NRDC: variants seen among roughly 807,000 people sequenced by gnomAD.
NRDC encodes the protein nardilysin.
In NRDC, 54 loss-of-function variants were observed where a neutral mutation model predicts 147.1. The ratio of observed to expected loss-of-function variants is 0.37; its 90% confidence interval spans 0.29 to 0.46. The LOEUF is 0.46. NRDC is among the 20% of genes least tolerant of loss of function. NRDC has a pLI of 1.00. For synonymous variants in NRDC, 440 were observed against 482.1 expected, an observed-to-expected ratio of 0.91 and a Z score of 1.14; for missense variants, 1,082 against 1,370.6, an observed-to-expected ratio of 0.79 and a Z score of 3.33.
At chr1:51,856,273 G>A (rs183115465) in intron 1 of NRDC, among the ~76,000 whole-genome samples, 184 of 152,154 alleles carry the variant, frequency 1.2e-3, no homozygotes, top group Non-Finnish European at 2.3e-3. Flanking sequence ...GACCAAATCC[G>A]TGCAATTAAT....
intron 7 of NRDC, among the ~76,000 whole-genome samples, chr1:51,822,247 C>A (rs531780821): frequency 2.6e-4 from 39 of 152,034 alleles, no homozygotes; most frequent in Non-Finnish European, 4.3e-4. Flanking sequence ...CAATAGAGAA[C>A]CCCATTATAT....
chr1:51,866,973 A>T (rs1682841166), intron 1 of NRDC, among the ~76,000 whole-genome samples: 2 of 152,108 alleles, frequency 1.3e-5, no homozygotes, highest in Non-Finnish European at 2.9e-5. Flanking sequence ...TTATATATAC[A>T]TATATGCCAT....
At chr1:51,818,329 TCA>T (rs1680062401) in intron 9 of NRDC, among the ~76,000 whole-genome samples, 194 bp from the exon 10 acceptor site, 1 of 152,216 alleles carries the variant, frequency 6.6e-6, no homozygotes, top group Non-Finnish European at 1.5e-5. Context: ...TTATTTGGTT[TCA>T]GAGGTAGAGA....
intron 18 of NRDC, among the ~76,000 whole-genome samples, chr1:51,806,384 T>A (rs1277222586): frequency 2.0e-5 from 3 of 151,902 alleles, no homozygotes; most frequent in African/African-American, 7.3e-5. Context: ...CTGGCTCTGC[T>A]TTCATTTAAC....
intron 22 of NRDC, chr1:51,795,089 A>G: frequency 1.4e-6 from 2 of 1,456,954 alleles, no homozygotes; most frequent in Non-Finnish European, 1.8e-6. Context: ...CTGTTTACCC[A>G]TAATACAGTT....
intron 2 of NRDC, among the ~76,000 whole-genome samples, chr1:51,836,944 CTTTTT>C (rs201636652): frequency 7.8e-6 from 1 of 128,200 alleles, no homozygotes; most frequent in Non-Finnish European, 1.6e-5. Flanking sequence ...ATGATTGGGA[CTTTTT>C]TTTTTTTTTT....
At chr1:51,865,844 G>A (rs1571921421) in intron 1 of NRDC, among the ~76,000 whole-genome samples, 1 of 150,746 alleles carries the variant, frequency 6.6e-6, no homozygotes, top group East Asian at 2.0e-4. Flanking sequence ...GAGGTCAGGA[G>A]AACGAGACCA....
chr1:51,847,682 C>T (rs1478402545), intron 1 of NRDC, among the ~76,000 whole-genome samples: 4 of 152,226 alleles, frequency 2.6e-5, no homozygotes, highest in Non-Finnish European at 4.4e-5. Flanking sequence ...GCCAAGCCCA[C>T]GCCCACCTGG....
chr1:51,834,099 T>C lies in NRDC; in HGVS notation c.784A>G (p.Ser262Gly), dbSNP rs766472945. The C allele has an allele frequency of 6.2e-7, 1 of 1,614,106 alleles. No homozygotes were observed. Among genetic ancestry groups the C allele is most frequent in the South Asian group, 1.1e-5 (1 of 91,080 alleles). Reference sequence around the variant, plus strand: ...TCACAATCAGTTGAGGCATTATCACTACCCCCATGCTTCTTCAGGAAGGCA... The same window carrying C: ...TCACAATCAGTTGAGGCATTATCACCACCCCCATGCTTCTTCAGGAAGGCA... Reference protein sequence around the residue: ...FDAFLKKHGGSDNASTDCERT... With the variant: ...FDAFLKKHGGGDNASTDCERT... Residue 262 changes from serine (S) to glycine (G), a missense_variant, in exon 4 of 31, where the codon AGT becomes GGT. By Grantham distance (56) the Ser-to-Gly change is moderately conservative. This residue lies in a region of NRDC where 635 missense variants were observed against 923.8 expected (regional missense o/e 0.69). Coordinates refer to ENST00000352171, the MANE Select transcript of NRDC (RefSeq NM_001101662.2).
intron 25 of NRDC, 40 bp downstream of exon 25, chr1:51,792,337 G>C (rs766608745): frequency 1.0e-5 from 16 of 1,607,076 alleles, no homozygotes; most frequent in Admixed American, 3.3e-5. Flanking sequence ...TAGTGGGTCA[G>C]GGGCTGCTGA....
At chr1:51,864,451 T>C (rs865822773) in intron 1 of NRDC, among the ~76,000 whole-genome samples, 1 of 152,202 alleles carries the variant, frequency 6.6e-6, no homozygotes, top group Non-Finnish European at 1.5e-5. Context: ...CATAAAAATT[T>C]TCACCAAAAA....
intron 2 of NRDC, chr1:51,836,584 A>G (rs1225985579): frequency 6.1e-6 from 4 of 654,074 alleles, no homozygotes; most frequent in Non-Finnish European, 5.4e-6. Flanking sequence ...CGGAAGTAAC[A>G]TATCTAGATA....
intron 29 of NRDC, 131 bp downstream of exon 29, chr1:51,790,402 G>A: frequency 1.4e-6 from 1 of 696,130 alleles, no homozygotes; most frequent in Admixed American, 2.3e-5. Context: ...CAGGAAGTGA[G>A]CGAGTAATCA....
intron 22 of NRDC, 98 bp downstream of exon 22, chr1:51,798,151 C>A (rs913752376): frequency 4.3e-5 from 53 of 1,234,960 alleles, no homozygotes; most frequent in Non-Finnish European, 5.5e-5. Flanking sequence ...ATAATGCTGG[C>A]CTGCCAAAAC....
At chr1:51,809,837 A>T (rs942079009) in intron 16 of NRDC, among the ~76,000 whole-genome samples, 1 of 151,992 alleles carries the variant, frequency 6.6e-6, no homozygotes, top group Non-Finnish European at 1.5e-5. Flanking sequence ...AGGGGGCAAA[A>T]GAAGTTGCAG....
At chr1:51,834,202 CAA>C (rs1194140447) in intron 3 of NRDC, 32 bp from the exon 4 acceptor site, 3 of 1,607,192 alleles carry the variant, frequency 1.9e-6, no homozygotes, top group Non-Finnish European at 2.5e-6. Flanking sequence ...TCACACAACA[CAA>C]AGATATAGAA....
At chr1:51,870,252 A>T (rs1176187905) in intron 1 of NRDC, among the ~76,000 whole-genome samples, 1 of 152,246 alleles carries the variant, frequency 6.6e-6, no homozygotes, top group Non-Finnish European at 1.5e-5. Flanking sequence ...AAAGTGAATT[A>T]AGTGGAAAGC....
chr1:51,804,590 ACACATTTCCCAAG>A (rs1404102558), intron 19 of NRDC, among the ~76,000 whole-genome samples: 25 of 152,076 alleles, frequency 1.6e-4, no homozygotes, highest in African/African-American at 6.0e-4. Flanking sequence ...CTATGTTCAG[ACACATTTCCCAAG>A]TATCTCCTAG....
At chr1:51,798,113 G>C in intron 22 of NRDC, 136 bp downstream of exon 22, 1 of 760,806 alleles carries the variant, frequency 1.3e-6, no homozygotes, top group South Asian at 2.1e-5. Flanking sequence ...GCATCAGAGG[G>C]GTCAGGTTCC....
Sources: allele counts gnomAD v4.1 joint callset (sites outside exome capture counted in the v4.1 genomes callset), GRCh38; gene constraint gnomAD v4.1.1; regional missense constraint gnomAD v4.1.1; transcripts MANE v1.5; gene names NCBI Gene and HGNC (gene_info 2026-07-23, HGNC 2026-07-21).